Variants in BAHD1 observed in about 807,000 individuals in gnomAD.
The protein encoded by BAHD1 is bromo adjacent homology domain-containing 1 protein.
BAHD1 carries 20 observed loss-of-function variants against 63.1 expected under a neutral mutation model. The ratio of observed to expected loss-of-function variants is 0.32; its 90% CI spans 0.22 to 0.46. The LOEUF is 0.46. Ranked by LOEUF, BAHD1 falls within the 20% of genes least tolerant of loss-of-function variation. The pLI, the probability that BAHD1 is intolerant of heterozygous loss-of-function variation, is 1.00. For missense variants in BAHD1, 939 were observed against 1,071.8 expected (o/e 0.88, Z 1.73); for synonymous variants, 408 against 426.8 (o/e 0.96, Z 0.54).
At chr15:40,440,101 G>C (rs1435718662), upstream of BAHD1, 1 of 152,482 alleles carries the variant, frequency 6.6e-6, no homozygotes, top group Non-Finnish European at 1.5e-5. Context: ...AAGAGGGTGT[G>C]TGGGTGTCAA....
At chr15:40,444,962 T>TA (rs560309067) in intron 1 of BAHD1, among the ~76,000 whole-genome samples, 40 of 149,004 alleles carry the variant, frequency 2.7e-4, no homozygotes, top group East Asian at 9.8e-4. Flanking sequence ...CCCCGTCAAT[T>TA]AAAAAAAAAA....
intron 1 of BAHD1, among the ~76,000 whole-genome samples, chr15:40,454,996 T>C (rs956939905): frequency 2.0e-5 from 3 of 152,186 alleles, no homozygotes; most frequent in Non-Finnish European, 4.4e-5. Context: ...GCCGAGCTTC[T>C]TGTTTCTTCA....
chr15:40,457,273 C>G (rs1226128934), intron 1 of BAHD1, among the ~76,000 whole-genome samples: 1 of 152,192 alleles, frequency 6.6e-6, no homozygotes, highest in South Asian at 2.1e-4. Context: ...GGTCTACGCA[C>G]CGTCCCTGGG....
At chr15:40,454,210 G>T (rs1893785796) in intron 1 of BAHD1, 1 of 152,238 alleles carries the variant, frequency 6.6e-6, no homozygotes, top group South Asian at 2.1e-4. Context: ...CCCCAGAGCA[G>T]TGCCAGCACC....
At chr15:40,444,226 G>C (rs925975441) in intron 1 of BAHD1, among the ~76,000 whole-genome samples, 1 of 152,128 alleles carries the variant, frequency 6.6e-6, no homozygotes, top group Non-Finnish European at 1.5e-5. Context: ...ACAAGGGGGA[G>C]ACCTTCCTTT....
intron 1 of BAHD1, among the ~76,000 whole-genome samples, chr15:40,455,773 G>A (rs1566961920): frequency 6.6e-6 from 1 of 152,192 alleles, no homozygotes; most frequent in South Asian, 2.1e-4. Flanking sequence ...AGGGGCTTTG[G>A]CCCGTGCTCA....
intron 1 of BAHD1, among the ~76,000 whole-genome samples, chr15:40,450,519 A>T (rs184790582): frequency 6.6e-6 from 1 of 152,290 alleles, no homozygotes; most frequent in East Asian, 1.9e-4. Flanking sequence ...TGAGCTGTTC[A>T]TGTTTTTTGA....
In BAHD1 at chr15:40,467,317, ACT is replaced by A. The variant is rs1894241235; in HGVS notation, c.*1190_*1191del. ...ACTAGGCCTTGGCCCTGGCCCTGAG[ACT>A]CTGTGAGGGGGCTGGAGCAGCCTGG... On this transcript the variant is annotated 3_prime_UTR_variant, in exon 7 of 7. Coordinates refer to ENST00000416165, the MANE Select transcript of BAHD1 (RefSeq NM_014952.5). The A allele has an allele frequency of 6.5e-6, 1 of 152,898 alleles. No individual in the cohort carries two copies. Among genetic ancestry groups the A allele is most frequent in the African/African-American group, 2.4e-5 (1 of 41,402 alleles). The allele number at this position is 152,898 out of a possible 1,614,324, so 9.5% of individuals were successfully genotyped here. A position where few individuals can be genotyped will look rare whatever the true frequency, so the allele number is the denominator to read the frequency against.
intron 5 of BAHD1, 65 bp from the exon 6 acceptor site, chr15:40,465,270 T>G: frequency 1.4e-6 from 2 of 1,451,418 alleles, no homozygotes; most frequent in Non-Finnish European, 1.9e-6. Flanking sequence ...GGTTAATGTC[T>G]GCCTTGCTCT....
chr15:40,444,956 G>A (rs867324109), intron 1 of BAHD1, among the ~76,000 whole-genome samples: 5 of 151,360 alleles, frequency 3.3e-5, no homozygotes, highest in East Asian at 3.9e-4. Flanking sequence ...CCGCTCCCCC[G>A]TCAATTAAAA....
Position 40,464,533 on chromosome 15 carries a change from C to A in BAHD1, c.2038C>A (p.Pro680Thr), listed in dbSNP as rs1291392370. ...RPEHLQGGRS[P>T]SMHEPLQNEV... ...TGAGCACTTACAGGGAGGCCGCAGT[C>A]CCAGCATGCACGAGGTGAGCTGCCT... Residue 680 changes from proline (P) to threonine (T), a missense_variant, in exon 5 of 7, where the codon CCC becomes ACC. Pro to Thr is a conservative substitution (Grantham distance 38). Coordinates refer to ENST00000416165, the MANE Select transcript of BAHD1 (RefSeq NM_014952.5). 2.5e-6 allele frequency: 4 copies of A among 1,613,208 alleles called. No individual in the cohort carries two copies. The highest frequency in any genetic ancestry group is 2.5e-6 in the Non-Finnish European group (3 of 1,179,664).
At chr15:40,465,309 A>G (rs374025018) in intron 5 of BAHD1, 26 bp from the exon 6 acceptor site, 276 of 1,609,286 alleles carry the variant, frequency 1.7e-4, no homozygotes, top group Non-Finnish European at 2.3e-4. Context: ...AGCCCTGGTA[A>G]CAACCTCCAC....
chr15:40,464,109 T>A (rs993690946), intron 4 of BAHD1, 89 bp downstream of exon 4: 2 of 1,433,708 alleles, frequency 1.4e-6, no homozygotes, highest in African/African-American at 2.8e-5. Context: ...GAGTTTGACC[T>A]GGCGTGAGTC....
In BAHD1 at chr15:40,443,237, G is replaced by A. The variant is rs1285449422; in HGVS notation, c.-15+1969G>A. The stretch of plus-strand genomic sequence containing the variant: ...TCTGCCACTTCAGAGGGTAGCATGG[G>A]CATGGGAGTTTATTCATGGCCACCC... On this transcript the variant is annotated intron_variant, in intron 1 of 6. Transcript: ENST00000416165. 1.9e-5 allele frequency: 19 copies of A among 984,446 alleles called. No homozygotes were observed. In the African/African-American group the frequency reaches 2.6e-4, roughly 14 times the overall value. 61.0% of individuals were successfully genotyped at this position (984,446 alleles called of 1,614,324 possible). A position where few individuals can be genotyped will look rare whatever the true frequency, so the allele number is the denominator to read the frequency against.
chr15:40,453,584 T>A (rs1893765681), intron 1 of BAHD1: 1 of 152,066 alleles, frequency 6.6e-6, no homozygotes, highest in Non-Finnish European at 1.5e-5. Context: ...TGGGGCAGGG[T>A]CCTTCCCAGC....
intron 1 of BAHD1, among the ~76,000 whole-genome samples, chr15:40,449,371 G>T: frequency 6.6e-6 from 1 of 152,294 alleles, no homozygotes; most frequent in Non-Finnish European, 1.5e-5. Context: ...CTTTGCTCCT[G>T]ATTTCACCTA....
intron 5 of BAHD1, 60 bp downstream of exon 5, chr15:40,464,607 A>C: frequency 6.9e-7 from 1 of 1,446,736 alleles, no homozygotes. Flanking sequence ...AGGTTATGGC[A>C]CTAAGACGTG....
Position 40,459,225 on chromosome 15 carries a change from G to T in BAHD1, c.761G>T (p.Gly254Val). 6.2e-7 allele frequency: 1 copy of T among 1,612,032 alleles called. No homozygotes were observed. The highest frequency in any genetic ancestry group is 8.5e-7 in the Non-Finnish European group (1 of 1,179,214). Residue 254 changes from glycine to valine, a missense_variant, in exon 2 of 7, where the codon GGC (glycine) becomes GTC (valine). By Grantham distance (109) the Gly-to-Val change is moderately radical (BLOSUM62 -3). This residue lies in a region of BAHD1 where 797 missense variants were observed against 813.3 expected (regional missense o/e 0.98). Coordinates refer to ENST00000416165, the MANE Select transcript of BAHD1 (RefSeq NM_014952.5). ...AGGCCAAAGTGGCCCAAGGTCAATG[G>T]CAAGAACTATCCCAAGGCTTGGCAG... ...APRPKWPKVN[G>V]KNYPKAWQGA... is the part of the protein sequence containing the mutation.
chr15:40,445,041 T>G (rs183649981), intron 1 of BAHD1, among the ~76,000 whole-genome samples: 4 of 152,140 alleles, frequency 2.6e-5, no homozygotes, highest in Admixed American at 6.5e-5. Flanking sequence ...TCTCCTGGGC[T>G]CTCTTCTCAG....
Sources: gnomAD v4.1 joint callset for allele counts (sites outside exome capture counted in the v4.1 genomes callset) on GRCh38, gnomAD v4.1.1 for gene constraint, gnomAD v4.1.1 regional missense constraint, MANE v1.5 for transcripts, NCBI Gene and HGNC (gene_info 2026-07-23, HGNC 2026-07-21) for gene names.